Variants in SCAPER observed in about 807,000 individuals in gnomAD.
SCAPER encodes the protein S phase cyclin A-associated protein in the endoplasmic reticulum.
SCAPER carries 98 observed loss-of-function variants against 182.2 expected under a neutral mutation model. The observed-to-expected ratio is 0.54, with a 90% CI of 0.46 to 0.64. The LOEUF (loss-of-function observed/expected upper bound fraction) is 0.64. Ranked by LOEUF, SCAPER falls within the 30% of genes least tolerant of loss-of-function variation. The pLI, the probability that SCAPER is intolerant of heterozygous loss-of-function variation, is 0.00. For synonymous variants in SCAPER, 605 were observed against 564.6 expected (o/e 1.07, Z -1.01); for missense variants, 1,432 against 1,690.0 (o/e 0.85, Z 2.68).
chr15:76,761,110 ACTT>A (rs2062760285), intron 14 of SCAPER, among the ~76,000 whole-genome samples: 1 of 152,074 alleles, frequency 6.6e-6, no homozygotes, highest in East Asian at 1.9e-4. Context: ...GAATTTATCC[ACTT>A]CTTCTAAGGT....
At chr15:76,775,190 A>G in intron 8 of SCAPER, 73 bp from the exon 9 acceptor site, 2 of 1,365,946 alleles carry the variant, frequency 1.5e-6, no homozygotes, top group Admixed American at 5.6e-5. Flanking sequence ...CATAGAATAA[A>G]AACATTTTCC....
intron 21 of SCAPER, among the ~76,000 whole-genome samples, chr15:76,657,016 G>C (rs758961055): frequency 3.9e-5 from 6 of 152,002 alleles, no homozygotes; most frequent in Non-Finnish European, 8.8e-5. Flanking sequence ...CAACCCCAAA[G>C]CTAGTGGAAG....
At chr15:76,500,542 A>G (rs1400627864) in intron 24 of SCAPER, among the ~76,000 whole-genome samples, 1 of 152,150 alleles carries the variant, frequency 6.6e-6, no homozygotes, top group African/African-American at 2.4e-5. Flanking sequence ...TTTAATTACC[A>G]TTGCTACTAA....
At chr15:76,422,950 T>C (rs542458153) in intron 26 of SCAPER, among the ~76,000 whole-genome samples, 2,073 of 152,330 alleles carry the variant, frequency 0.014, 47 homozygotes, top group African/African-American at 0.046. Context: ...TGAACCAGCC[T>C]TGCATCCCAG....
chr15:76,531,188 T>C lies in SCAPER; in HGVS notation c.2839-26214A>G, dbSNP rs555914673. On this transcript the variant is annotated intron_variant, in intron 23 of 31. Coordinates refer to ENST00000563290, the MANE Select transcript of SCAPER (RefSeq NM_020843.4). ...ACTGGTACTTCTTATGAATATATATTAGCAAAAGTTGAGGACGTAAAGGTC... is the reference window on the plus strand; with the variant it reads ...ACTGGTACTTCTTATGAATATATATCAGCAAAAGTTGAGGACGTAAAGGTC... Among the ~76,000 whole-genome samples the C allele has an allele frequency of 3.3e-5, 5 of 152,250 alleles. No homozygotes were observed. The South Asian group carries it at 8.3e-4, about 25-fold the overall frequency.
At chr15:76,839,907 T>G (rs764439825) in intron 5 of SCAPER, among the ~76,000 whole-genome samples, 1 of 152,204 alleles carries the variant, frequency 6.6e-6, no homozygotes, top group Non-Finnish European at 1.5e-5. Context: ...TTAAGTAAAT[T>G]TGATTTCATC....
At chr15:76,882,363 G>A (rs1025674062) in intron 2 of SCAPER, among the ~76,000 whole-genome samples, 3 of 151,402 alleles carry the variant, frequency 2.0e-5, no homozygotes, top group Non-Finnish European at 2.9e-5. Flanking sequence ...CTGCACTCCA[G>A]ACTGGGTGAC....
intron 2 of SCAPER, among the ~76,000 whole-genome samples, chr15:76,876,340 G>C (rs929108855): frequency 6.6e-6 from 1 of 151,816 alleles, no homozygotes; most frequent in Non-Finnish European, 1.5e-5. Context: ...AAGAGTGAGC[G>C]AGGGCTGCGA....
intron 20 of SCAPER, among the ~76,000 whole-genome samples, chr15:76,699,575 G>A (rs1019936861): frequency 2.0e-5 from 3 of 152,156 alleles, no homozygotes; most frequent in Non-Finnish European, 4.4e-5. Context: ...TACACTGCAC[G>A]TTCAGTGAAC....
chr15:76,463,630 C>A (rs1459142142), intron 25 of SCAPER, among the ~76,000 whole-genome samples: 1 of 152,044 alleles, frequency 6.6e-6, no homozygotes, highest in Non-Finnish European at 1.5e-5. Context: ...AAAAATAAGA[C>A]TGCTAATAAA....
chr15:76,628,281 A>C (rs969782618), intron 21 of SCAPER, among the ~76,000 whole-genome samples: 10 of 152,168 alleles, frequency 6.6e-5, no homozygotes, highest in Non-Finnish European at 1.2e-4. Flanking sequence ...CTTTCGTTTA[A>C]TTAGATCTCA....
chr15:76,732,664 GA>G (rs779137220), intron 16 of SCAPER, among the ~76,000 whole-genome samples: 3 of 152,132 alleles, frequency 2.0e-5, no homozygotes, highest in Non-Finnish European at 4.4e-5. Flanking sequence ...GGAGTTTAGA[GA>G]AGACTCTACT....
chr15:76,559,040 G>GT (rs370848379), intron 23 of SCAPER, among the ~76,000 whole-genome samples: 1,884 of 147,268 alleles, frequency 0.013, 20 homozygotes, highest in African/African-American at 0.025. Flanking sequence ...ATGAGATCTG[G>GT]TTTTTTTTTT....
intron 6 of SCAPER, among the ~76,000 whole-genome samples, chr15:76,800,776 A>T (rs2065724790): frequency 6.6e-6 from 1 of 152,240 alleles, no homozygotes. Context: ...GTATCAAGAG[A>T]AAGAATACGG....
chr15:76,892,875 TG>T (rs925754937), intron 1 of SCAPER, among the ~76,000 whole-genome samples: 1 of 152,182 alleles, frequency 6.6e-6, no homozygotes, highest in Admixed American at 6.5e-5. Context: ...TGCACACGTA[TG>T]TTTACTGCAG....
At chr15:76,522,398 A>G (rs1332271609) in intron 23 of SCAPER, among the ~76,000 whole-genome samples, 7 of 152,166 alleles carry the variant, frequency 4.6e-5, no homozygotes, top group African/African-American at 1.4e-4. Flanking sequence ...CTATCAATAA[A>G]GCAATGGTTC....
At chr15:76,699,505 C>T (rs1290824478) in intron 20 of SCAPER, among the ~76,000 whole-genome samples, 7 of 152,092 alleles carry the variant, frequency 4.6e-5, no homozygotes, top group African/African-American at 1.4e-4. Flanking sequence ...AATTGCTGTC[C>T]TTTGGATGAG....
intron 29 of SCAPER, among the ~76,000 whole-genome samples, chr15:76,368,655 G>T (rs2041961124): frequency 6.6e-6 from 1 of 152,196 alleles, no homozygotes; most frequent in South Asian, 2.1e-4. Flanking sequence ...GAGCTCAATG[G>T]GGGCAAAGGG....
At chr15:76,721,581 T>C (rs1191238448) in intron 17 of SCAPER, among the ~76,000 whole-genome samples, 2 of 152,240 alleles carry the variant, frequency 1.3e-5, no homozygotes, top group East Asian at 3.9e-4. Context: ...TTCCATTTGT[T>C]TGTGTCCTCT....
Sources: gnomAD v4.1 joint callset for allele counts (sites outside exome capture counted in the v4.1 genomes callset) on GRCh38, gnomAD v4.1.1 for gene constraint, MANE v1.5 for transcripts, NCBI Gene and HGNC (gene_info 2026-07-23, HGNC 2026-07-21) for gene names.